The following ASAP2 variants were observed in gnomAD, a reference collection of about 807,000 sequenced individuals.
ASAP2 encodes the protein ArfGAP with SH3 domain, ankyrin repeat and PH domain 2.
ASAP2 carries 45 observed loss-of-function variants against 131.4 expected under a neutral mutation model. That is an observed-to-expected ratio of 0.34 (90% CI 0.27 to 0.44). The LOEUF (loss-of-function observed/expected upper bound fraction) is 0.44, where lower values mean the gene tolerates loss of function less well. Among genes scored for constraint, ASAP2 ranks in the 20% least tolerant of loss-of-function variants. ASAP2 has a pLI of 1.00. For synonymous variants in ASAP2, 510 were observed against 503.0 expected (o/e 1.01, Z -0.19); for missense variants, 1,011 against 1,297.0 (o/e 0.78, Z 3.39).
rs2148628900 is a variant in ASAP2, at chr2:9,350,591, G to A, written c.1024-217G>A. On this transcript the variant is annotated intron_variant, in intron 11 of 27. Coordinates refer to ENST00000281419, the MANE Select transcript of ASAP2 (RefSeq NM_003887.3). ...AGGTGGGTTTGTGTAGACCACCAAGGTGCCCTTGCAGGGAGGCAGTTGCCC... is the reference window on the plus strand; with the variant it reads ...AGGTGGGTTTGTGTAGACCACCAAGATGCCCTTGCAGGGAGGCAGTTGCCC... The A allele has an allele frequency of 6.5e-6, 3 of 463,884 alleles. No homozygotes were observed. In the South Asian group the frequency reaches 1.4e-4, roughly 21 times the overall value. 28.7% of individuals were successfully genotyped at this position (463,884 alleles called of 1,614,324 possible).
intron 1 of ASAP2, among the ~76,000 whole-genome samples, chr2:9,231,808 T>A (rs561378366): frequency 1.3e-5 from 2 of 152,282 alleles, no homozygotes; most frequent in South Asian, 4.1e-4. Flanking sequence ...AGGTTTTAGC[T>A]CTGTCACCTG....
Position 9,388,517 on chromosome 2 carries a change from C to G in ASAP2, c.2354C>G (p.Pro785Arg), listed in dbSNP as rs770025045. 25 of 1,613,340 alleles carry G rather than the reference C, an allele frequency of 1.5e-5. No individual in the cohort carries two copies. The highest frequency in any genetic ancestry group is 2.1e-5 in the Non-Finnish European group (25 of 1,179,804). Residue 785 changes from proline (P) to arginine (R), a missense_variant, in exon 22 of 28, where the codon CCC becomes CGC. By Grantham distance (103) the Pro-to-Arg change is moderately radical. This residue lies in a region of ASAP2 where 652 missense variants were observed against 698.9 expected (regional missense o/e 0.93). Transcript: ENST00000281419. ...GCAGCCCCCAGCACCACCAGCGCCC[C>G]CCCGCTTCCTCCACGGAATGTTGGC... ...QPAAPSTTSAPPLPPRNVGKV... is the reference protein window; with the variant it reads ...QPAAPSTTSARPLPPRNVGKV...
At chr2:9,286,271 G>T (rs1667453539) in intron 2 of ASAP2, among the ~76,000 whole-genome samples, 1 of 152,040 alleles carries the variant, frequency 6.6e-6, no homozygotes, top group Admixed American at 6.6e-5. Context: ...GATGGTGTAT[G>T]CCTGTAGTCC....
At chr2:9,259,859 C>T (rs1665453287) in intron 1 of ASAP2, among the ~76,000 whole-genome samples, 1 of 152,252 alleles carries the variant, frequency 6.6e-6, no homozygotes, top group Non-Finnish European at 1.5e-5. Context: ...CCTCAGCTCC[C>T]TTGCACCCTG....
At chr2:9,230,697 C>T (rs139699055) in intron 1 of ASAP2, among the ~76,000 whole-genome samples, 9 of 152,332 alleles carry the variant, frequency 5.9e-5, no homozygotes, top group South Asian at 2.1e-4. Context: ...GGAGTAAGAG[C>T]AGATATGTGC....
chr2:9,236,693 G>A (rs574248268), intron 1 of ASAP2, among the ~76,000 whole-genome samples: 2 of 152,286 alleles, frequency 1.3e-5, no homozygotes, highest in East Asian at 1.9e-4. Context: ...AGGTGGTTGT[G>A]TGTATGTATG....
Position 9,385,194 on chromosome 2 carries a change from G to A in ASAP2, c.2017-51G>A, listed in dbSNP as rs536816427. On this transcript the variant is annotated intron_variant, in intron 20 of 27. Transcript: ENST00000281419. Reference sequence around the variant, plus strand: ...CCTGCACACTTCAGTGGGTCCAGATGCATGGCCGAGTGTATGAGCAACAGC... The same window carrying A: ...CCTGCACACTTCAGTGGGTCCAGATACATGGCCGAGTGTATGAGCAACAGC... 3.6e-6 allele frequency: 5 copies of A among 1,407,758 alleles called. No individual in the cohort carries two copies. In the Admixed American group the frequency reaches 5.1e-5, roughly 14 times the overall value. The allele number at this position is 1,407,758 out of a possible 1,614,324, so 87.2% of individuals were successfully genotyped here. A position where few individuals can be genotyped will look rare whatever the true frequency, so the allele number is the denominator to read the frequency against.
intron 24 of ASAP2, among the ~76,000 whole-genome samples, chr2:9,397,372 T>C (rs1301877629): frequency 6.6e-6 from 1 of 152,102 alleles, no homozygotes; most frequent in Non-Finnish European, 1.5e-5. Flanking sequence ...TGGAACACAA[T>C]TTTACCTGGT....
At position 9,377,615 on chromosome 2, in the gene ASAP2, A is replaced by G. The variant is rs556136149; in HGVS notation, c.1832+622A>G. ...TGGACTTCAAGACCCCTCAACGTGT[A>G]TTTTGACTCCCTGATCGTGGTTTGA... On this transcript the variant is annotated intron_variant, in intron 18 of 27. Coordinates refer to ENST00000281419, the MANE Select transcript of ASAP2 (RefSeq NM_003887.3). 2.0e-5 allele frequency among the ~76,000 whole-genome samples: 3 copies of G among 152,240 alleles called. No homozygotes were observed. In the East Asian group the frequency reaches 5.8e-4, roughly 29 times the overall value.
rs143357417 is a variant in ASAP2, at chr2:9,366,445, A to C, written c.1462-1980A>C. ...GGAAAACCATTGTGCTCACCTGGGG[A>C]CAGTGTCCTGCTTGGATTGTATGCT... On this transcript the variant is annotated intron_variant, in intron 15 of 27. Coordinates refer to ENST00000281419, the MANE Select transcript of ASAP2 (RefSeq NM_003887.3). Among the ~76,000 whole-genome samples the C allele has an allele frequency of 7.0e-4, 106 of 152,224 alleles. No individual in the cohort carries two copies. The East Asian group carries it at 0.016, about 23-fold the overall frequency.
intron 25 of ASAP2, among the ~76,000 whole-genome samples, chr2:9,400,524 T>TGTC (rs1355386837): frequency 1.3e-5 from 2 of 148,846 alleles, no homozygotes; most frequent in East Asian, 4.2e-4. Flanking sequence ...GCCCCTCACC[T>TGTC]GTCCCCTCCT....
At chr2:9,368,333 C>G in intron 15 of ASAP2, 92 bp from the exon 16 acceptor site, 1 of 1,144,504 alleles carries the variant, frequency 8.7e-7, no homozygotes. Flanking sequence ...TCTTAGTGGC[C>G]ATTAAATAAA....
intron 1 of ASAP2, among the ~76,000 whole-genome samples, chr2:9,257,775 C>A (rs1050093108): frequency 6.6e-6 from 1 of 152,160 alleles, no homozygotes; most frequent in Admixed American, 6.5e-5. Flanking sequence ...CCGCCCGCCT[C>A]GGCCTCCCAA....
At chr2:9,333,251 C>T (rs866174165) in intron 7 of ASAP2, among the ~76,000 whole-genome samples, 14 of 152,214 alleles carry the variant, frequency 9.2e-5, no homozygotes, top group African/African-American at 3.4e-4. Context: ...TTAAGTTATT[C>T]ATTCAATAAA....
chr2:9,298,727 TG>T (rs1668305314), intron 3 of ASAP2, among the ~76,000 whole-genome samples: 1 of 152,178 alleles, frequency 6.6e-6, no homozygotes, highest in Non-Finnish European at 1.5e-5. Flanking sequence ...GATGCTGCCA[TG>T]GAGGGCGTCT....
intron 9 of ASAP2, among the ~76,000 whole-genome samples, chr2:9,340,267 C>T (rs774631665): frequency 4.6e-5 from 7 of 152,116 alleles, no homozygotes; most frequent in Non-Finnish European, 8.8e-5. Flanking sequence ...GTGATCTGCC[C>T]GCCTCCGCCT....
chr2:9,317,086 CA>C (rs1669742110), intron 3 of ASAP2, among the ~76,000 whole-genome samples: 1 of 149,942 alleles, frequency 6.7e-6, no homozygotes. Flanking sequence ...CACATCCACA[CA>C]CACACTCAAC....
intron 2 of ASAP2, among the ~76,000 whole-genome samples, chr2:9,288,574 A>G (rs1465618649): frequency 6.6e-6 from 1 of 152,180 alleles, no homozygotes; most frequent in Non-Finnish European, 1.5e-5. Context: ...TTACCCTGGC[A>G]AAATGCACAT....
intron 1 of ASAP2, among the ~76,000 whole-genome samples, chr2:9,278,346 C>T (rs1029780593): frequency 6.6e-6 from 1 of 151,984 alleles, no homozygotes; most frequent in Non-Finnish European, 1.5e-5. Flanking sequence ...AACCCCGTCT[C>T]TACTAAAAAT....
Sources: allele counts gnomAD v4.1 joint callset (sites outside exome capture counted in the v4.1 genomes callset), GRCh38; gene constraint gnomAD v4.1.1; regional missense constraint gnomAD v4.1.1; transcripts MANE v1.5; gene names NCBI Gene and HGNC (gene_info 2026-07-23, HGNC 2026-07-21).